MACROD2: variants seen among roughly 807,000 people sequenced by gnomAD.
MACROD2 encodes the protein mono-ADP ribosylhydrolase 2.
Under a neutral mutation model 70.4 loss-of-function variants are expected in MACROD2, and 36 were observed. That is an observed-to-expected ratio of 0.51 (90% CI 0.39 to 0.68). The LOEUF is 0.68. Among genes scored for constraint, MACROD2 ranks in the 30% least tolerant of loss-of-function variants. The pLI is 0.00. For missense variants in MACROD2, 496 were observed against 538.4 expected (o/e 0.92, Z 0.78); for synonymous variants, 172 against 178.8 (o/e 0.96, Z 0.30).
At chr20:15,525,104 C>T (rs556397221) in intron 8 of MACROD2, among the ~76,000 whole-genome samples, 12 of 152,292 alleles carry the variant, frequency 7.9e-5, no homozygotes, top group South Asian at 6.2e-4. Context: ...TCTCAGCATT[C>T]GGCCATTTCC....
chr20:14,120,435 T>C (rs1255273460), intron 3 of MACROD2, among the ~76,000 whole-genome samples: 4 of 151,898 alleles, frequency 2.6e-5, no homozygotes, highest in African/African-American at 9.7e-5. Context: ...GAATGTAAAT[T>C]AGTTCAACCA....
At chr20:15,593,204 C>T (rs1600642919) in intron 8 of MACROD2, among the ~76,000 whole-genome samples, 1 of 152,132 alleles carries the variant, frequency 6.6e-6, no homozygotes, top group East Asian at 1.9e-4. Flanking sequence ...GCCGTCTTTG[C>T]ACATTATCCT....
At chr20:15,718,640 C>T (rs1296012627) in intron 8 of MACROD2, among the ~76,000 whole-genome samples, 4 of 152,198 alleles carry the variant, frequency 2.6e-5, no homozygotes, top group Non-Finnish European at 5.9e-5. Flanking sequence ...CAGTCTTGAA[C>T]GCCCAGAGGG....
intron 5 of MACROD2, among the ~76,000 whole-genome samples, chr20:14,745,785 G>A (rs2071792289): frequency 6.6e-6 from 1 of 152,114 alleles, no homozygotes; most frequent in South Asian, 2.1e-4. Context: ...TGGAGAGGAG[G>A]TGTTACCTCA....
At chr20:15,055,975 C>A (rs1353502614) in intron 5 of MACROD2, among the ~76,000 whole-genome samples, 2 of 151,898 alleles carry the variant, frequency 1.3e-5, no homozygotes, top group Admixed American at 1.3e-4. Context: ...TTAGTAGAGA[C>A]AAGGTTTCAC....
At chr20:15,895,484 A>T (rs2064956666) in intron 10 of MACROD2, among the ~76,000 whole-genome samples, 1 of 152,256 alleles carries the variant, frequency 6.6e-6, no homozygotes, top group African/African-American at 2.4e-5. Flanking sequence ...GCCATCCGGC[A>T]GGCAGCGGTG....
chr20:15,951,750 G>T (rs575604260), intron 12 of MACROD2, among the ~76,000 whole-genome samples: 44 of 152,118 alleles, frequency 2.9e-4, no homozygotes, highest in Middle Eastern at 6.8e-3. Context: ...ATACATAAAG[G>T]TCTCATAAAG....
intron 4 of MACROD2, among the ~76,000 whole-genome samples, chr20:14,514,146 CA>C (rs753614923): frequency 6.6e-6 from 1 of 151,984 alleles, no homozygotes; most frequent in Non-Finnish European, 1.5e-5. Flanking sequence ...GACTTAGGAC[CA>C]GGGGCAGAAG....
intron 5 of MACROD2, among the ~76,000 whole-genome samples, chr20:15,192,113 A>G (rs1029207319): frequency 4.6e-5 from 7 of 151,898 alleles, no homozygotes; most frequent in East Asian, 3.9e-4. Context: ...AATTGATCCC[A>G]GAAAATATTA....
chr20:15,471,786 G>A (rs568928760), intron 7 of MACROD2, among the ~76,000 whole-genome samples: 31 of 152,086 alleles, frequency 2.0e-4, no homozygotes, highest in Middle Eastern at 6.8e-3. Context: ...CAGCTCCTCT[G>A]CCTTTGTTAT....
chr20:14,784,475 C>A (rs1724943462), intron 5 of MACROD2, among the ~76,000 whole-genome samples: 1 of 151,984 alleles, frequency 6.6e-6, no homozygotes, highest in Non-Finnish European at 1.5e-5. Flanking sequence ...ATAATCTGAC[C>A]TTTTATTAAG....
chr20:14,694,989 C>T (rs536239018), intron 5 of MACROD2, among the ~76,000 whole-genome samples: 28 of 152,242 alleles, frequency 1.8e-4, no homozygotes, highest in South Asian at 6.2e-4. Flanking sequence ...CGGAGTATGT[C>T]AGAATAATGG....
rs189243229 is a variant in MACROD2, at chr20:15,975,759, T to C, written c.985+8129T>C. Among the ~76,000 whole-genome samples the C allele has an allele frequency of 2.6e-3, 402 of 152,346 alleles. 1 individual carries two copies. The highest frequency in any genetic ancestry group is 8.7e-3 in the African/African-American group (363 of 41,590). On this transcript the variant is annotated intron_variant, in intron 13 of 17. Coordinates refer to ENST00000684519, the MANE Select transcript of MACROD2 (RefSeq NM_001351661.2). ...AATTATCCACAATTCTCAATGCTTA[T>C]ATGCATTTTTAGCGTATCCATAAGG...
At chr20:14,947,895 C>A (rs1217421094) in intron 5 of MACROD2, among the ~76,000 whole-genome samples, 1 of 152,156 alleles carries the variant, frequency 6.6e-6, no homozygotes, top group Non-Finnish European at 1.5e-5. Flanking sequence ...AATGCTGGCC[C>A]AGTGTTTATC....
chr20:14,751,665 C>T (rs955234247), intron 5 of MACROD2, among the ~76,000 whole-genome samples: 4 of 152,116 alleles, frequency 2.6e-5, no homozygotes, highest in African/African-American at 9.7e-5. Context: ...AACTCAATGG[C>T]TAGACAGGCG....
At chr20:14,853,173 C>CTGTGTGTGTGTGTGTGTG (rs147348353) in intron 5 of MACROD2, among the ~76,000 whole-genome samples, 7 of 149,240 alleles carry the variant, frequency 4.7e-5, no homozygotes, top group South Asian at 2.1e-4. Flanking sequence ...GTGTGTGTGT[C>CTGTGTGTGTGTGTGTGTG]TGTGTGTGTG....
chr20:14,783,672 T>C (rs2123789303), intron 5 of MACROD2, among the ~76,000 whole-genome samples: 1 of 152,110 alleles, frequency 6.6e-6, no homozygotes, highest in Middle Eastern at 3.4e-3. Context: ...GATTTGAGGG[T>C]AGGTAGTTTA....
At chr20:14,010,695 ACTCAT>A (rs2052889861) in intron 2 of MACROD2, among the ~76,000 whole-genome samples, 1 of 151,448 alleles carries the variant, frequency 6.6e-6, no homozygotes. Context: ...GTTTGGAAGC[ACTCAT>A]CTCCATCAAG....
At chr20:14,255,339 G>A (rs1464699674) in intron 3 of MACROD2, among the ~76,000 whole-genome samples, 1 of 152,028 alleles carries the variant, frequency 6.6e-6, no homozygotes, top group East Asian at 1.9e-4. Context: ...ATATACCATG[G>A]AATACTATGC....
Sources: allele counts gnomAD v4.1 joint callset (sites outside exome capture counted in the v4.1 genomes callset), GRCh38; gene constraint gnomAD v4.1.1; transcripts MANE v1.5; gene names NCBI Gene and HGNC (gene_info 2026-07-23, HGNC 2026-07-21).